APBB1IP: variants seen among roughly 807,000 people sequenced by gnomAD.
The protein encoded by APBB1IP is amyloid beta precursor protein binding family B member 1 interacting protein, also known as amyloid beta A4 precursor protein-binding family B member 1-interacting protein.
Under a neutral mutation model 64.9 loss-of-function variants are expected in APBB1IP, and 27 were observed. The observed-to-expected ratio is 0.42, with a 90% CI of 0.31 to 0.57. The LOEUF (loss-of-function observed/expected upper bound fraction) is 0.57, where lower values mean the gene tolerates loss of function less well. APBB1IP is among the 20% of genes least tolerant of loss of function. APBB1IP has a pLI of 0.20. For missense variants in APBB1IP, 812 were observed against 845.5 expected (o/e 0.96, Z 0.49); for synonymous variants, 392 against 331.0 (o/e 1.18, Z -2.00).
intron 9 of APBB1IP, 42 bp from the exon 10 acceptor site, chr10:26,536,030 TTA>T: frequency 3.9e-6 from 6 of 1,530,628 alleles, no homozygotes; most frequent in Non-Finnish European, 5.2e-6. Flanking sequence ...AATGCGTGCT[TTA>T]TCTTTCGTGT....
intron 2 of APBB1IP, among the ~76,000 whole-genome samples, chr10:26,442,562 G>A (rs189324612): frequency 7.9e-5 from 12 of 152,304 alleles, no homozygotes; most frequent in Non-Finnish European, 1.3e-4. Flanking sequence ...TGCATCCAGA[G>A]AGCTACATCA....
rs1835959605 is a variant in APBB1IP, at chr10:26,491,892, G to T, written c.1-435G>T. On this transcript the variant is annotated intron_variant, in intron 2 of 14. Coordinates refer to ENST00000376236, the MANE Select transcript of APBB1IP (RefSeq NM_019043.4). ...TTTTCCTGCCTCAGCCTCCCGAGTA[G>T]CTGGGACTACAGGCACGTGCCACCA... Among the ~76,000 whole-genome samples, 4 of 151,694 alleles carry T rather than the reference G, an allele frequency of 2.6e-5. 1 individual carries two copies. In the South Asian group the frequency reaches 8.3e-4, roughly 32 times the overall value.
chr10:26,548,734 T>G (rs1588615516), intron 11 of APBB1IP, among the ~76,000 whole-genome samples: 1 of 152,180 alleles, frequency 6.6e-6, no homozygotes, highest in African/African-American at 2.4e-5. Flanking sequence ...TTCTAACAGT[T>G]TTTTTGGTGG....
chr10:26,510,875 T>A (rs1168936067), intron 6 of APBB1IP, among the ~76,000 whole-genome samples: 2 of 152,164 alleles, frequency 1.3e-5, no homozygotes, highest in Non-Finnish European at 2.9e-5. Context: ...TGCCCTGCTC[T>A]AACTATCTGT....
At chr10:26,553,789 T>C (rs1480433041) in intron 11 of APBB1IP, among the ~76,000 whole-genome samples, 2 of 152,212 alleles carry the variant, frequency 1.3e-5, no homozygotes, top group African/African-American at 4.8e-5. Flanking sequence ...CTGTGGAAAC[T>C]GCTATTATTA....
chr10:26,509,870 G>C (rs1015579673), intron 6 of APBB1IP, among the ~76,000 whole-genome samples: 9 of 152,284 alleles, frequency 5.9e-5, no homozygotes, highest in Non-Finnish European at 7.4e-5. Context: ...AGGTATCAAA[G>C]AAAATCCAAA....
chr10:26,498,274 C>T (rs555457182), intron 4 of APBB1IP, among the ~76,000 whole-genome samples: 11 of 152,068 alleles, frequency 7.2e-5, no homozygotes, highest in Admixed American at 5.2e-4. Flanking sequence ...TTTGGGAGGC[C>T]GACGCTGGTG....
Position 26,511,830 on chromosome 10 carries a change from C to A in APBB1IP, c.615C>A (p.Asp205Glu). Residue 205 changes from aspartate (D) to glutamate (E), a missense_variant, in exon 7 of 15, where the codon GAC becomes GAA. Physicochemically the swap from Asp to Glu is conservative, Grantham distance 45 (BLOSUM62 2). Around this residue, in one of 3 missense-constraint regions of APBB1IP, gnomAD observed 394 missense variants for 413.1 expected, o/e 0.95. Transcript: ENST00000376236. ...GGCAGCTGGCCCGAGATGTTCTGGA[C>A]AACCTTTTCGAGAAAACTCATTGTG... ...DERQLARDVL[D>E]NLFEKTHCDC... 1 of 1,614,088 alleles carries A rather than the reference C, an allele frequency of 6.2e-7. No individual in the cohort carries two copies. The highest frequency in any genetic ancestry group is 8.5e-7 in the Non-Finnish European group (1 of 1,180,014).
intron 2 of APBB1IP, among the ~76,000 whole-genome samples, chr10:26,474,794 A>C (rs1268581385): frequency 1.3e-5 from 2 of 152,220 alleles, no homozygotes; most frequent in Non-Finnish European, 2.9e-5. Flanking sequence ...ATTGCTCAAA[A>C]TCTTGTGATT....
intron 2 of APBB1IP, among the ~76,000 whole-genome samples, chr10:26,463,597 G>T (rs1054021217): frequency 6.6e-6 from 1 of 151,944 alleles, no homozygotes; most frequent in African/African-American, 2.4e-5. Context: ...CTTGTTTTTT[G>T]GCTCAAGACC....
intron 2 of APBB1IP, among the ~76,000 whole-genome samples, chr10:26,483,447 G>C (rs1835859161): frequency 1.3e-5 from 2 of 152,146 alleles, no homozygotes; most frequent in African/African-American, 4.8e-5. Context: ...GACAATCCCT[G>C]GCATGGAATG....
intron 2 of APBB1IP, among the ~76,000 whole-genome samples, chr10:26,462,376 T>C (rs897622434): frequency 2.6e-5 from 4 of 152,206 alleles, no homozygotes; most frequent in African/African-American, 9.6e-5. Flanking sequence ...TTGCCATTGG[T>C]TTCTGGTAGA....
intron 2 of APBB1IP, among the ~76,000 whole-genome samples, chr10:26,481,826 C>T (rs951108866): frequency 2.8e-5 from 4 of 143,250 alleles, no homozygotes; most frequent in African/African-American, 1.0e-4. Flanking sequence ...CATCTCATTA[C>T]GTGTGTGTGT....
Position 26,464,457 on chromosome 10 carries a change from G to A in APBB1IP, c.-1+25604G>A, listed in dbSNP as rs567162412. 3.3e-5 allele frequency among the ~76,000 whole-genome samples: 5 copies of A among 152,264 alleles called. No homozygotes were observed. The East Asian group carries it at 9.6e-4, about 29-fold the overall frequency. On this transcript the variant is annotated intron_variant, in intron 2 of 14. Coordinates refer to ENST00000376236, the MANE Select transcript of APBB1IP (RefSeq NM_019043.4). ...ACTCTGTTACCCAGGCTGGAGTGCA[G>A]TGGCACAATCATGGTCCATTGCAGC...
Position 26,559,220 on chromosome 10 carries a change from T to G in APBB1IP, c.1156-885T>G, listed in dbSNP as rs76208853. On this transcript the variant is annotated intron_variant, in intron 11 of 14. Transcript: ENST00000376236. ...AGAGACAAGATAGAGGTGAAAAGCT[T>G]CCAAAAGTTAAAAAGGCATAAATGA... is the stretch of plus-strand genomic sequence containing the variant. Among the ~76,000 whole-genome samples the G allele has an allele frequency of 6.4e-3, 979 of 152,206 alleles. 18 individuals carry two copies. The highest frequency in any genetic ancestry group is 0.056 in the South Asian group (268 of 4,828).
rs60964614 is a variant in APBB1IP at position 26,531,277 on chromosome 10, A to G, written c.814-2162A>G. ...CTTGAACCCAGGAGGCAGAGGTTTC[A>G]GTGAGCCAAGATTGCACCACAGCAC... On this transcript the variant is annotated intron_variant, in intron 8 of 14. Coordinates refer to ENST00000376236, the MANE Select transcript of APBB1IP (RefSeq NM_019043.4). 6.3e-3 allele frequency among the ~76,000 whole-genome samples: 952 copies of G among 152,318 alleles called. 16 individuals carry two copies. Among genetic ancestry groups the G allele is most frequent in the South Asian group, 0.055 (265 of 4,830 alleles).
At chr10:26,456,750 A>T (rs1835530869) in intron 2 of APBB1IP, among the ~76,000 whole-genome samples, 1 of 151,136 alleles carries the variant, frequency 6.6e-6, no homozygotes, top group South Asian at 2.1e-4. Flanking sequence ...AAAAAAAAAA[A>T]AAAAAAAAGG....
intron 2 of APBB1IP, among the ~76,000 whole-genome samples, chr10:26,491,758 G>GATTTTT (rs1835957245): frequency 8.6e-6 from 1 of 116,884 alleles, no homozygotes; most frequent in Non-Finnish European, 1.8e-5. Context: ...TTTTGTGTAA[G>GATTTTT]GTTTTTTTTT....
chr10:26,506,383 A>G (rs933960740), intron 6 of APBB1IP, among the ~76,000 whole-genome samples: 1 of 151,982 alleles, frequency 6.6e-6, no homozygotes, highest in African/African-American at 2.4e-5. Context: ...AGTAGCTGAG[A>G]CTACAGGTAT....
Sources: gnomAD v4.1 joint callset for allele counts (sites outside exome capture counted in the v4.1 genomes callset) on GRCh38, gnomAD v4.1.1 for gene constraint, gnomAD v4.1.1 regional missense constraint, MANE v1.5 for transcripts, NCBI Gene and HGNC (gene_info 2026-07-23, HGNC 2026-07-21) for gene names.